Variants in HPSE2 observed in about 807,000 individuals in gnomAD.
HPSE2 encodes heparanase 2 (inactive), also known as inactive heparanase-2.
HPSE2 carries 38 observed loss-of-function variants against 60.5 expected under a neutral mutation model. That is an observed-to-expected ratio of 0.63 (90% CI 0.48 to 0.82). The LOEUF (loss-of-function observed/expected upper bound fraction) is 0.82. Among genes scored for constraint, HPSE2 ranks in the 40% least tolerant of loss-of-function variants. The pLI is 0.00. For synonymous variants in HPSE2, 295 were observed against 293.2 expected, an observed-to-expected ratio of 1.01 and a Z score of -0.06; for missense variants, 713 against 740.4, an observed-to-expected ratio of 0.96 and a Z score of 0.43.
At chr10:98,623,411 G>A (rs1946124390) in intron 7 of HPSE2, among the ~76,000 whole-genome samples, 1 of 152,086 alleles carries the variant, frequency 6.6e-6, no homozygotes, top group Non-Finnish European at 1.5e-5. Flanking sequence ...TCTAAAATTA[G>A]ATTGTGGAGA....
At chr10:99,016,293 C>A (rs909554263) in intron 3 of HPSE2, among the ~76,000 whole-genome samples, 1 of 152,086 alleles carries the variant, frequency 6.6e-6, no homozygotes, top group Non-Finnish European at 1.5e-5. Context: ...ATAGGGAATC[C>A]TTTCCCCATT....
In HPSE2 at chr10:98,572,398, G is replaced by T. The variant is rs11189682; in HGVS notation, c.1320+42506C>A. Among the ~76,000 whole-genome samples the T allele has an allele frequency of 2.4e-3, 365 of 152,256 alleles. 15 individuals are homozygous for T. In the East Asian group the frequency reaches 0.064, roughly 27 times the overall value. ...CCAGAGGTCAGTTTTATTTGTTTCT[G>T]TGAACATATAACCATATCTCAATGT... On this transcript the variant is annotated intron_variant, in intron 9 of 11. Transcript: ENST00000370552.
chr10:98,573,059 G>A (rs908981329), intron 9 of HPSE2, among the ~76,000 whole-genome samples: 3 of 152,090 alleles, frequency 2.0e-5, no homozygotes, highest in African/African-American at 7.2e-5. Context: ...CTAGATTTGG[G>A]GCAACAGATC....
At chr10:98,561,953 G>C (rs1199594386) in intron 9 of HPSE2, among the ~76,000 whole-genome samples, 1 of 152,216 alleles carries the variant, frequency 6.6e-6, no homozygotes, top group African/African-American at 2.4e-5. Context: ...GTAGTGTATA[G>C]TAATGTCTTA....
chr10:99,112,407 T>TTTTGTTTTG (rs1554890871), intron 3 of HPSE2, among the ~76,000 whole-genome samples: 7 of 130,746 alleles, frequency 5.4e-5, no homozygotes, highest in African/African-American at 2.0e-4. Context: ...GCCCGGCTTT[T>TTTTGTTTTG]TTTTGTTGTG....
chr10:98,738,320 T>G (rs894265873), intron 4 of HPSE2, among the ~76,000 whole-genome samples: 6 of 152,172 alleles, frequency 3.9e-5, no homozygotes, highest in Admixed American at 3.9e-4. Context: ...TAAACAAAAA[T>G]TAACTCAAGA....
At chr10:99,255,028 A>T in the HPSE2 span, among the ~76,000 whole-genome samples, 1 of 152,158 alleles carries the variant, frequency 6.6e-6, no homozygotes, top group Non-Finnish European at 1.5e-5. Flanking sequence ...ACTACAAAAC[A>T]CTGAATTTTA....
At chr10:99,194,596 CA>C (rs1848329401) in intron 2 of HPSE2, among the ~76,000 whole-genome samples, 1 of 150,048 alleles carries the variant, frequency 6.7e-6, no homozygotes, top group Admixed American at 6.6e-5. Context: ...TGCAGAAATT[CA>C]AAAGATAATT....
intron 4 of HPSE2, among the ~76,000 whole-genome samples, chr10:98,732,240 T>C (rs1159760442): frequency 2.6e-5 from 4 of 152,146 alleles, no homozygotes; most frequent in African/African-American, 7.2e-5. Context: ...TGCTATCCCA[T>C]TAAAATTCCA....
chr10:99,305,974 C>CGCGCGCGT, the HPSE2 span, among the ~76,000 whole-genome samples: 5 of 112,706 alleles, frequency 4.4e-5, no homozygotes, highest in African/African-American at 1.7e-4. Flanking sequence ...CGCGCGCGCG[C>CGCGCGCGT]GCGCGCACAC....
chr10:98,531,995 C>A (rs903290740), intron 9 of HPSE2, among the ~76,000 whole-genome samples: 2 of 152,126 alleles, frequency 1.3e-5, no homozygotes, highest in African/African-American at 4.8e-5. Context: ...TTAAACCAAG[C>A]AAATATATTT....
chr10:98,663,080 C>T (rs1471784020), intron 6 of HPSE2, among the ~76,000 whole-genome samples: 1 of 152,072 alleles, frequency 6.6e-6, no homozygotes, highest in Non-Finnish European at 1.5e-5. Flanking sequence ...CACATAAGGG[C>T]AGGGGTATGA....
chr10:98,594,247 C>G (rs935808497), intron 9 of HPSE2, among the ~76,000 whole-genome samples: 1 of 151,912 alleles, frequency 6.6e-6, no homozygotes, highest in Non-Finnish European at 1.5e-5. Context: ...AAAACTATTC[C>G]TCTTATGGAA....
chr10:98,593,561 G>T (rs1039027120), intron 9 of HPSE2, among the ~76,000 whole-genome samples: 1 of 152,160 alleles, frequency 6.6e-6, no homozygotes, highest in Non-Finnish European at 1.5e-5. Flanking sequence ...GAAGACTGCT[G>T]TGATGATCCA....
At chr10:98,727,000 C>T (rs181823891) in intron 4 of HPSE2, among the ~76,000 whole-genome samples, 1 of 152,196 alleles carries the variant, frequency 6.6e-6, no homozygotes, top group South Asian at 2.1e-4. Context: ...TAAGCAAAAC[C>T]TCTGATCAAT....
intron 3 of HPSE2, among the ~76,000 whole-genome samples, chr10:98,827,014 C>T (rs1951564491): frequency 6.6e-6 from 1 of 151,638 alleles, no homozygotes; most frequent in South Asian, 2.1e-4. Flanking sequence ...AGCTGGGTGT[C>T]GTGGTATATG....
intron 3 of HPSE2, among the ~76,000 whole-genome samples, chr10:99,130,152 A>C (rs1845327400): frequency 1.3e-5 from 2 of 152,256 alleles, no homozygotes; most frequent in Admixed American, 6.5e-5. Context: ...TTGCCAACAA[A>C]AAAAAAAGTC....
chr10:98,749,813 A>T (rs1397159244), intron 3 of HPSE2, among the ~76,000 whole-genome samples: 1 of 150,430 alleles, frequency 6.6e-6, no homozygotes, highest in African/African-American at 2.4e-5. Context: ...AGGTGTATTA[A>T]ATGCATTTTT....
intron 3 of HPSE2, among the ~76,000 whole-genome samples, chr10:98,939,197 C>T (rs1318121076): frequency 7.0e-6 from 1 of 143,700 alleles, no homozygotes; most frequent in East Asian, 2.0e-4. Context: ...AAATAACCAG[C>T]TAACATCATA....
Sources: allele counts gnomAD v4.1 joint callset (sites outside exome capture counted in the v4.1 genomes callset), GRCh38; gene constraint gnomAD v4.1.1; transcripts MANE v1.5; gene names NCBI Gene and HGNC (gene_info 2026-07-23, HGNC 2026-07-21).